The following CEP295 variants were observed in gnomAD, a reference collection of about 807,000 sequenced individuals.
CEP295 encodes centrosomal protein 295.
In CEP295, 190 loss-of-function variants were observed where a neutral mutation model predicts 291.6. The observed-to-expected ratio is 0.65, with a 90% confidence interval of 0.58 to 0.73. CEP295 has a LOEUF of 0.73. CEP295 is among the 30% of genes least tolerant of loss of function. The pLI is 0.00. For missense variants in CEP295, 2,863 were observed against 2,949.4 expected (o/e 0.97, Z 0.68); for synonymous variants, 993 against 1,038.8 (o/e 0.96, Z 0.85).
At position 93,702,905 on chromosome 11, in the gene CEP295, G is replaced by C. The variant is rs1565192662; in HGVS notation, c.5582G>C (p.Arg1861Thr). The C allele has an allele frequency of 6.5e-7, 1 of 1,550,304 alleles. No individual in the cohort carries two copies. Among genetic ancestry groups the C allele is most frequent in the East Asian group, 2.4e-5 (1 of 40,908 alleles). Residue 1861 changes from arginine (R) to threonine (T), a missense_variant, in exon 17 of 30, where the codon AGA becomes ACA. Arg to Thr is a moderately conservative substitution (Grantham distance 71, BLOSUM62 -1). Around this residue, in one of 3 missense-constraint regions of CEP295, gnomAD observed 2,295 missense variants for 2,335.7 expected, o/e 0.98. Transcript: ENST00000325212. ...IQEVESPAIG[R>T]TSILGKPGIY... ...GAAGTAGAGTCACCAGCAATTGGCA[G>C]AACTTCTATACTAGGTAAATAGATG...
chr11:93,668,142 T>TTTTGACA (rs1403313458), intron 3 of CEP295, among the ~76,000 whole-genome samples: 9 of 152,156 alleles, frequency 5.9e-5, no homozygotes, highest in Non-Finnish European at 1.0e-4. Context: ...TTTGGTGGGG[T>TTTTGACA]GAATTCAACC....
chr11:93,691,771 A>G lies in CEP295; in HGVS notation c.1425A>G (p.Glu475=), dbSNP rs1457278472. 2 of 1,533,200 alleles carry G rather than the reference A, an allele frequency of 1.3e-6. No homozygotes were observed. Among genetic ancestry groups the G allele is most frequent in the Non-Finnish European group, 1.8e-6 (2 of 1,136,452 alleles). 95.0% of individuals were successfully genotyped at this position (1,533,200 alleles called of 1,614,324 possible). The change falls in exon 11 of 30, where the codon GAA becomes GAG. Residue 475 remains glutamate (E), a synonymous_variant. Coordinates refer to ENST00000325212, the MANE Select transcript of CEP295 (RefSeq NM_033395.2). ...PLSCGTNSGK[E]QEINETLPIT... is the part of the protein sequence containing the mutation. Reference sequence around the variant, plus strand: ...CGTGTGGTACAAACTCTGGAAAAGAACAAGGTATTTCTTTTTATCACATCC... The same window carrying G: ...CGTGTGGTACAAACTCTGGAAAAGAGCAAGGTATTTCTTTTTATCACATCC...
At chr11:93,717,045 C>A (rs1325483672) in intron 18 of CEP295, among the ~76,000 whole-genome samples, 1 of 152,182 alleles carries the variant, frequency 6.6e-6, no homozygotes, top group Non-Finnish European at 1.5e-5. Context: ...GTCTACAGAG[C>A]ACATTAGATA....
chr11:93,672,623 T>C (rs1950505550), intron 5 of CEP295, among the ~76,000 whole-genome samples: 1 of 152,052 alleles, frequency 6.6e-6, no homozygotes, highest in African/African-American at 2.4e-5. Flanking sequence ...CATGAGCCAG[T>C]GTCAGGTACT....
chr11:93,729,563 GA>G, intron 26 of CEP295, 33 bp downstream of exon 26: 1 of 1,547,998 alleles, frequency 6.5e-7, no homozygotes, highest in East Asian at 2.4e-5. Context: ...ACTTCTAATG[GA>G]AAGTAGATAC....
At position 93,677,370 on chromosome 11, in the gene CEP295, A is replaced by G. The variant is rs145376892; in HGVS notation, c.624+1704A>G. ...GCCTTTTTAGCACATAAGAGCTGCT[A>G]TTGTGTGTGTGTGTGTTTTTAATAT... is the stretch of plus-strand genomic sequence containing the variant. On this transcript the variant is annotated intron_variant, in intron 6 of 29. Transcript: ENST00000325212. Among the ~76,000 whole-genome samples, 225 of 152,224 alleles carry G rather than the reference A, an allele frequency of 1.5e-3. 1 individual carries two copies. The highest frequency in any genetic ancestry group is 5.1e-3 in the African/African-American group (213 of 41,562).
chr11:93,669,698 A>G lies in CEP295; in HGVS notation c.456A>G (p.Glu152=). 6.4e-7 allele frequency: 1 copy of G among 1,550,512 alleles called. No homozygotes were observed. The highest frequency in any genetic ancestry group is 8.7e-7 in the Non-Finnish European group (1 of 1,146,038). The part of the protein sequence containing the change: ...QKTWHIKARK[E]ALLVEKERSA... ...TAAGGCATATAAAAGCTCGAAAGGA[A>G]GCACTGCTTGTGGAAAAAGAGAGAT... is the stretch of plus-strand genomic sequence containing the variant. Residue 152 remains glutamate, a synonymous_variant, in exon 5 of 30, where the codon GAA becomes GAG. Transcript: ENST00000325212.
At chr11:93,693,897 A>T (rs890170827) in intron 12 of CEP295, among the ~76,000 whole-genome samples, 2 of 152,280 alleles carry the variant, frequency 1.3e-5, no homozygotes, top group Admixed American at 6.5e-5. Context: ...GTTGAATAAA[A>T]TAGTGTAACT....
In CEP295 at chr11:93,729,439, T is replaced by C. The variant is rs1938054012; in HGVS notation, c.7308T>C (p.Ser2436=). ...ENEAKCFFQV[S]EFLPLVSATE... ...TGCAACTTTCTTGCCATTAGGTGAG[T>C]GAGTTTCTGCCTCTTGTATCAGCAA... Residue 2436 remains serine (S), a synonymous_variant, in exon 26 of 30, where the codon AGT becomes AGC. Coordinates refer to ENST00000325212, the MANE Select transcript of CEP295 (RefSeq NM_033395.2). 1 of 1,549,048 alleles carries C rather than the reference T, an allele frequency of 6.5e-7. No individual in the cohort carries two copies. Among genetic ancestry groups the C allele is most frequent in the African/African-American group, 1.4e-5 (1 of 72,988 alleles).
intron 25 of CEP295, 72 bp from the exon 26 acceptor site, chr11:93,729,362 T>TA: frequency 2.9e-6 from 3 of 1,044,256 alleles, no homozygotes; most frequent in Non-Finnish European, 4.4e-6. Context: ...CGCTGCACTC[T>TA]AATCTGACAG....
rs768923409 is a variant in CEP295 at position 93,699,454 on chromosome 11, A to G, written c.4542A>G (p.Thr1514=). Residue 1514 remains threonine, a synonymous_variant, in exon 15 of 30, where the codon ACA becomes ACG. Transcript: ENST00000325212. Reference sequence around the variant, plus strand: ...AGGCACTTCAACAGCAGTTAGATACACAGAAGAAAGCCATTCGATCTATAC... The same window carrying G: ...AGGCACTTCAACAGCAGTTAGATACGCAGAAGAAAGCCATTCGATCTATAC... ...DLQALQQQLD[T]QKKAIRSIQE... is the part of the protein sequence containing the mutation. The G allele has an allele frequency of 1.3e-6, 2 of 1,551,764 alleles. No individual in the cohort carries two copies. Among genetic ancestry groups the G allele is most frequent in the Non-Finnish European group, 8.7e-7 (1 of 1,146,996 alleles).
chr11:93,697,893 C>T lies in CEP295; in HGVS notation c.2981C>T (p.Ser994Phe). 6.4e-7 allele frequency: 1 copy of T among 1,551,732 alleles called. No individual in the cohort carries two copies. The change falls in exon 15 of 30, where the codon TCT becomes TTT. Residue 994 changes from serine (S) to phenylalanine (F), a missense_variant. By Grantham distance (155) the Ser-to-Phe change is radical. Transcript: ENST00000325212. ...RRVCSEQAEP[S>F]FPFQVAQHTF... ...GTATGTTCCGAACAGGCTGAGCCCT[C>T]TTTCCCATTTCAGGTAGCTCAGCAT...
At chr11:93,670,513 T>C (rs1472639188) in intron 5 of CEP295, among the ~76,000 whole-genome samples, 1 of 152,206 alleles carries the variant, frequency 6.6e-6, no homozygotes, top group Non-Finnish European at 1.5e-5. Flanking sequence ...TATTTTTATC[T>C]GAAGAATGAA....
chr11:93,695,621 C>G lies in CEP295; in HGVS notation c.1658C>G (p.Thr553Ser), dbSNP rs981819398. ...AQLEEEKRKKTQPTGVGIAPA... is the reference protein window; with the variant it reads ...AQLEEEKRKKSQPTGVGIAPA... ...CTGGAAGAAGAAAAAAGAAAAAAAA[C>G]TCAACCGACTGGGGTAGGATGCAGA... Residue 553 changes from threonine to serine, a missense_variant, in exon 13 of 30, where the codon ACT becomes AGT. Thr to Ser is a moderately conservative substitution (Grantham distance 58). Transcript: ENST00000325212. The G allele has an allele frequency of 5.4e-6, 8 of 1,490,524 alleles. No individual in the cohort carries two copies. In the East Asian group the frequency reaches 1.3e-4, roughly 25 times the overall value. 92.3% of individuals were successfully genotyped at this position (1,490,524 alleles called of 1,614,324 possible).
chr11:93,729,881 AGTC>A lies in CEP295; in HGVS notation c.7583_7585del (p.Arg2528del), dbSNP rs1292169435. 3 of 1,547,846 alleles carry A rather than the reference AGTC, an allele frequency of 1.9e-6. No homozygotes were observed. In the African/African-American group the frequency reaches 4.1e-5, roughly 21 times the overall value. ...TTTTCTTTCCTCAGGTTCATCTGTG[AGTC>A]GTCTAAAGGGCGTGAATAAAGTCAG... On this transcript the variant is annotated inframe_deletion, in exon 28 of 30. Transcript: ENST00000325212.
intron 3 of CEP295, 61 bp from the exon 4 acceptor site, chr11:93,668,745 CAT>C (rs1425156660): frequency 2.6e-6 from 3 of 1,171,552 alleles, no homozygotes; most frequent in Non-Finnish European, 2.4e-6. Flanking sequence ...CTTCTGATAT[CAT>C]ATGAGACACA....
intron 1 of CEP295, among the ~76,000 whole-genome samples, chr11:93,664,709 G>C (rs997718096): frequency 6.6e-6 from 1 of 152,162 alleles, no homozygotes. Flanking sequence ...AGTCCATTCT[G>C]CCCTGATGAG....
At chr11:93,682,567 A>T (rs1413835478) in intron 7 of CEP295, among the ~76,000 whole-genome samples, 1 of 150,486 alleles carries the variant, frequency 6.6e-6, no homozygotes, top group Non-Finnish European at 1.5e-5. Context: ...GTTATAGTAG[A>T]CTTAATGTTC....
chr11:93,666,955 G>T (rs1476293431), intron 2 of CEP295, 140 bp downstream of exon 2: 6 of 512,892 alleles, frequency 1.2e-5, no homozygotes, highest in Non-Finnish European at 2.1e-5. Context: ...GTATTAACTA[G>T]TTTTGGAACA....
Sources: allele counts gnomAD v4.1 joint callset (sites outside exome capture counted in the v4.1 genomes callset), GRCh38; gene constraint gnomAD v4.1.1; regional missense constraint gnomAD v4.1.1; transcripts MANE v1.5; gene names NCBI Gene and HGNC (gene_info 2026-07-23, HGNC 2026-07-21).